The following ITPR2 variants were observed in gnomAD, a reference collection of about 807,000 sequenced individuals.
ITPR2 encodes inositol 1,4,5-trisphosphate receptor type 2, also known as inositol 1,4,5-trisphosphate-gated calcium channel ITPR2.
A neutral mutation model predicts 317.1 loss-of-function variants in ITPR2; 207 were observed. The ratio of observed to expected loss-of-function variants is 0.65; its 90% confidence interval spans 0.58 to 0.73. The LOEUF (loss-of-function observed/expected upper bound fraction) is 0.73, where lower values mean the gene tolerates loss of function less well. ITPR2 is among the 30% of genes least tolerant of loss of function. ITPR2 has a pLI of 0.00. For missense variants in ITPR2, 2,613 were observed against 3,284.0 expected, an observed-to-expected ratio of 0.80 and a Z score of 4.99; for synonymous variants, 1,156 against 1,149.1, an observed-to-expected ratio of 1.01 and a Z score of -0.12.
intron 37 of ITPR2, among the ~76,000 whole-genome samples, chr12:26,503,434 T>A (rs948069598): frequency 1.3e-5 from 2 of 152,152 alleles, no homozygotes; most frequent in African/African-American, 4.8e-5. Context: ...ATAGAGGAGT[T>A]CTACATGGCA....
At chr12:26,431,098 T>A (rs1941194457) in intron 48 of ITPR2, among the ~76,000 whole-genome samples, 1 of 152,224 alleles carries the variant, frequency 6.6e-6, no homozygotes, top group Admixed American at 6.5e-5. Context: ...TAAAATCTTT[T>A]ATATTTAACA....
intron 1 of ITPR2, among the ~76,000 whole-genome samples, chr12:26,816,961 C>G: frequency 6.6e-6 from 1 of 151,726 alleles, no homozygotes; most frequent in South Asian, 2.1e-4. Context: ...GGGCGGATCA[C>G]GAGGTCAGGA....
chr12:26,781,404 C>A (rs1423359831), intron 2 of ITPR2, among the ~76,000 whole-genome samples: 1 of 152,038 alleles, frequency 6.6e-6, no homozygotes, highest in African/African-American at 2.4e-5. Flanking sequence ...TCATTTTATT[C>A]TCTTTTTCCT....
chr12:26,591,778 G>T (rs996316305), intron 32 of ITPR2, among the ~76,000 whole-genome samples: 3 of 151,670 alleles, frequency 2.0e-5, no homozygotes, highest in Non-Finnish European at 4.4e-5. Flanking sequence ...AGAGGTTGCA[G>T]TGAGCTGAGA....
At chr12:26,591,321 G>T (rs1168426651) in intron 32 of ITPR2, among the ~76,000 whole-genome samples, 2 of 152,068 alleles carry the variant, frequency 1.3e-5, no homozygotes, top group African/African-American at 4.8e-5. Context: ...TGGCAAACAG[G>T]TATATGAAAA....
chr12:26,596,384 C>T (rs1264852142), intron 31 of ITPR2, among the ~76,000 whole-genome samples: 1 of 152,130 alleles, frequency 6.6e-6, no homozygotes, highest in Admixed American at 6.5e-5. Context: ...TGGTGGCTCA[C>T]GCCTGTAAAT....
intron 21 of ITPR2, among the ~76,000 whole-genome samples, chr12:26,636,571 C>T (rs1946871498): frequency 2.0e-5 from 3 of 152,192 alleles, no homozygotes; most frequent in Admixed American, 1.3e-4. Context: ...ATTAAAGGTA[C>T]TTCATCTTTC....
At chr12:26,556,954 G>A (rs568230816) in intron 35 of ITPR2, among the ~76,000 whole-genome samples, 108 of 151,974 alleles carry the variant, frequency 7.1e-4, no homozygotes, top group Non-Finnish European at 1.3e-3. Context: ...TGGCATGCGC[G>A]TGTGGTCCCA....
intron 9 of ITPR2, among the ~76,000 whole-genome samples, chr12:26,709,348 T>G (rs1307268379): frequency 3.3e-5 from 5 of 152,164 alleles, no homozygotes; most frequent in Non-Finnish European, 7.4e-5. Context: ...AAAGAAAAGG[T>G]CCTCTAAATA....
intron 1 of ITPR2, among the ~76,000 whole-genome samples, chr12:26,798,209 T>G (rs1433056345): frequency 6.6e-6 from 1 of 152,108 alleles, no homozygotes; most frequent in East Asian, 1.9e-4. Context: ...GAAGCAGCAG[T>G]AGAAGAGAAG....
chr12:26,606,658 A>G (rs1288979611), intron 26 of ITPR2, among the ~76,000 whole-genome samples: 1 of 151,930 alleles, frequency 6.6e-6, no homozygotes, highest in East Asian at 1.9e-4. Flanking sequence ...CTGGCTAGGT[A>G]TGATAACTCA....
intron 32 of ITPR2, among the ~76,000 whole-genome samples, chr12:26,588,204 A>C (rs958502715): frequency 6.6e-6 from 1 of 152,196 alleles, no homozygotes; most frequent in Admixed American, 6.5e-5. Context: ...ATAGAAAGTT[A>C]TGAGAGTAAA....
In ITPR2 at chr12:26,663,865, G is replaced by T. The variant is rs377563031; in HGVS notation, c.1552-19C>A. The T allele has an allele frequency of 7.5e-6, 12 of 1,589,906 alleles. No homozygotes were observed. Among genetic ancestry groups the T allele is most frequent in the Non-Finnish European group, 9.4e-6 (11 of 1,170,876 alleles). ...CAAATACCTATCAGGAATAAAAACA[G>T]CCACCTATTCTGATGAATAAAATGT... is the stretch of plus-strand genomic sequence containing the variant. On this transcript the variant is annotated intron_variant, in intron 14 of 56. Transcript: ENST00000381340.
At chr12:26,698,666 A>C (rs973148896) in intron 9 of ITPR2, among the ~76,000 whole-genome samples, 10 of 152,334 alleles carry the variant, frequency 6.6e-5, no homozygotes, top group African/African-American at 2.4e-4. Flanking sequence ...GTCACCTGTT[A>C]ATGCTGGGAC....
chr12:26,750,243 G>A (rs890802557), intron 2 of ITPR2, among the ~76,000 whole-genome samples: 1 of 152,188 alleles, frequency 6.6e-6, no homozygotes, highest in Non-Finnish European at 1.5e-5. Context: ...TGGGTAGACA[G>A]CCACCATGGT....
At chr12:26,341,166 A>G (rs1938100560) in intron 55 of ITPR2, among the ~76,000 whole-genome samples, 1 of 152,196 alleles carries the variant, frequency 6.6e-6, no homozygotes, top group African/African-American at 2.4e-5. Flanking sequence ...CAGATAAGGA[A>G]ACAAGAGGCT....
At chr12:26,792,644 C>G (rs1950361873) in intron 1 of ITPR2, among the ~76,000 whole-genome samples, 1 of 152,010 alleles carries the variant, frequency 6.6e-6, no homozygotes, top group Non-Finnish European at 1.5e-5. Flanking sequence ...TCTTGTTTAC[C>G]ATTATATCCT....
chr12:26,577,921 C>T (rs530589871), intron 34 of ITPR2, among the ~76,000 whole-genome samples: 1 of 152,252 alleles, frequency 6.6e-6, no homozygotes, highest in East Asian at 1.9e-4. Flanking sequence ...AATTTAAAAC[C>T]TATCTAAGGA....
At chr12:26,445,796 G>C (rs923318549) in intron 45 of ITPR2, among the ~76,000 whole-genome samples, 6 of 152,144 alleles carry the variant, frequency 3.9e-5, no homozygotes, top group Non-Finnish European at 8.8e-5. Flanking sequence ...CTTGAGGACT[G>C]CAGGTGTAAG....
Sources: gnomAD v4.1 joint callset for allele counts (sites outside exome capture counted in the v4.1 genomes callset) on GRCh38, gnomAD v4.1.1 for gene constraint, MANE v1.5 for transcripts, NCBI Gene and HGNC (gene_info 2026-07-23, HGNC 2026-07-21) for gene names.